VIPR2: variants seen among roughly 807,000 people sequenced by gnomAD.
VIPR2 encodes the protein vasoactive intestinal peptide receptor 2, also known as vasoactive intestinal polypeptide receptor 2.
A neutral mutation model predicts 58.0 loss-of-function variants in VIPR2; 48 were observed. The ratio of observed to expected loss-of-function variants is 0.83; its 90% CI spans 0.66 to 1.05. The LOEUF is 1.05. VIPR2 is among the 50% of genes least tolerant of loss of function. The probability of loss-of-function intolerance (pLI) is 0.00; values close to 1 mark genes in which losing one functional copy is unlikely to be tolerated. For missense variants in VIPR2, 534 were observed against 558.0 expected, an observed-to-expected ratio of 0.96 and a Z score of 0.43; for synonymous variants, 243 against 235.2, an observed-to-expected ratio of 1.03 and a Z score of -0.30.
At chr7:159,075,142 A>C (rs1856573559) in intron 4 of VIPR2, among the ~76,000 whole-genome samples, 1 of 152,216 alleles carries the variant, frequency 6.6e-6, no homozygotes, top group South Asian at 2.1e-4. Flanking sequence ...GGATCCTCCC[A>C]TTACCACTGT....
At chr7:159,118,536 G>A (rs1289778673) in intron 2 of VIPR2, among the ~76,000 whole-genome samples, 1 of 152,186 alleles carries the variant, frequency 6.6e-6, no homozygotes, top group East Asian at 1.9e-4. Context: ...AGGTTCAGTG[G>A]GTGTTTACGG....
chr7:159,049,486 T>C (rs1585362385), intron 5 of VIPR2, among the ~76,000 whole-genome samples: 1 of 152,046 alleles, frequency 6.6e-6, no homozygotes, highest in East Asian at 1.9e-4. Flanking sequence ...ACAGAGGGTG[T>C]TCAGAAAGGA....
At chr7:159,039,415 T>G (rs1212947832) in intron 6 of VIPR2, among the ~76,000 whole-genome samples, 1 of 151,848 alleles carries the variant, frequency 6.6e-6, no homozygotes, top group Non-Finnish European at 1.5e-5. Flanking sequence ...GAGGTGGAGG[T>G]TGCAGTGAGC....
rs116329878 is a variant in VIPR2 at position 159,037,322 on chromosome 7, C to T, written c.598-420G>A. Reference sequence around the variant, plus strand: ...CCGGCCAGCAAAGAACCAGAAGAGCCGGCAGGAGGTCATGTGTGGGGCGAG... The same window carrying T: ...CCGGCCAGCAAAGAACCAGAAGAGCTGGCAGGAGGTCATGTGTGGGGCGAG... On this transcript the variant is annotated intron_variant, in intron 6 of 12. Transcript: ENST00000262178. 8.9e-3 allele frequency among the ~76,000 whole-genome samples: 1,360 copies of T among 152,198 alleles called. 25 individuals carry two copies. Among genetic ancestry groups the T allele is most frequent in the African/African-American group, 0.031 (1,299 of 41,526 alleles).
chr7:159,034,489 GGTCA>G, intron 9 of VIPR2, 88 bp downstream of exon 9: 1 of 1,391,496 alleles, frequency 7.2e-7, no homozygotes, highest in East Asian at 2.3e-5. Flanking sequence ...CGTGGAATGG[GGTCA>G]GTTCTATTTA....
chr7:159,125,517 G>A (rs1324761567), intron 2 of VIPR2, among the ~76,000 whole-genome samples: 5 of 152,164 alleles, frequency 3.3e-5, no homozygotes, highest in African/African-American at 1.2e-4. Context: ...CAGAGTCTGG[G>A]AAGTCAGCAC....
intron 4 of VIPR2, among the ~76,000 whole-genome samples, chr7:159,082,096 C>T (rs1856934250): frequency 6.6e-6 from 1 of 152,264 alleles, no homozygotes; most frequent in Middle Eastern, 3.4e-3. Context: ...ACCATTTGAC[C>T]CAGCCATCCC....
chr7:159,139,434 T>C (rs1797369521), intron 2 of VIPR2, among the ~76,000 whole-genome samples: 1 of 152,166 alleles, frequency 6.6e-6, no homozygotes, highest in Admixed American at 6.5e-5. Context: ...GAACAGCAAG[T>C]CTCTTGTCTC....
rs183088759 is a variant in VIPR2 at position 159,029,000 on chromosome 7, T to A, written c.*1616A>T. ...GGACCTTTGGGGATTGAGGGGTCTC[T>A]GGACACTGCTGCTTTGCTGTCCTAA... On this transcript the variant is annotated 3_prime_UTR_variant, in exon 13 of 13. Coordinates refer to ENST00000262178, the MANE Select transcript of VIPR2 (RefSeq NM_003382.5). 2 of 152,378 alleles carry A rather than the reference T, an allele frequency of 1.3e-5. No homozygotes were observed. The highest frequency in any genetic ancestry group is 2.9e-5 in the Non-Finnish European group (2 of 68,160). The allele number at this position is 152,378 out of a possible 1,614,324, so 9.4% of individuals were successfully genotyped here.
Position 159,031,122 on chromosome 7 carries a change from T to C in VIPR2, c.1144-333A>G, listed in dbSNP as rs116978070. ...TCCTTAGCAGCCGGGGTTGTGACGG[T>C]GCTGGGCCTCCGTCTCCTTCCCTGT... On this transcript the variant is annotated intron_variant, in intron 12 of 12. Coordinates refer to ENST00000262178, the MANE Select transcript of VIPR2 (RefSeq NM_003382.5). This position sits in a 1 kb window ranked among gnomAD's most constrained non-coding sequence, Gnocchi z 4.0. 0.013 allele frequency among the ~76,000 whole-genome samples: 2,004 copies of C among 152,168 alleles called. 25 individuals are homozygous for C. Among genetic ancestry groups the C allele is most frequent in the Non-Finnish European group, 0.022 (1,524 of 67,990 alleles).
intron 4 of VIPR2, among the ~76,000 whole-genome samples, chr7:159,062,365 T>A (rs73730124): frequency 1.3e-5 from 2 of 151,938 alleles, no homozygotes; most frequent in African/African-American, 4.8e-5. Flanking sequence ...TCACAGTGAG[T>A]GTTACAGTTC....
At chr7:159,100,900 T>TC (rs1858171954) in intron 4 of VIPR2, among the ~76,000 whole-genome samples, 1 of 146,802 alleles carries the variant, frequency 6.8e-6, no homozygotes, top group South Asian at 2.2e-4. Context: ...ACAAGGCCGT[T>TC]CCCCCGACTG....
Position 159,030,686 on chromosome 7 carries a change from TC to T in VIPR2, c.1246del (p.Glu416ArgfsTer44). The T allele has an allele frequency of 6.4e-7, 1 of 1,573,852 alleles. No homozygotes were observed. On this transcript the variant is annotated frameshift_variant, in exon 13 of 13. Transcript: ENST00000262178. LOFTEE classifies it high-confidence loss of function. Reference sequence around the variant, plus strand: ...GCCGCGGTGGAACTGCAGGGCGCCCTCCGAGCCGTTGCGGGAGAAGGAGGAA... The same window carrying T: ...GCCGCGGTGGAACTGCAGGGCGCCCTCGAGCCGTTGCGGGAGAAGGAGGAA... The part of the protein sequence containing the change: ...CGSSFSRNGS[E>X]GALQFHRGSR...
chr7:159,110,257 C>A (rs996282192), intron 2 of VIPR2, among the ~76,000 whole-genome samples: 1 of 152,170 alleles, frequency 6.6e-6, no homozygotes, highest in African/African-American at 2.4e-5. Flanking sequence ...GAGGGAGACG[C>A]CCAGGGAAAG....
intron 2 of VIPR2, among the ~76,000 whole-genome samples, chr7:159,133,106 TAA>T (rs1797045732): frequency 6.6e-6 from 1 of 152,292 alleles, no homozygotes; most frequent in Admixed American, 6.5e-5. Flanking sequence ...GCCTTTTCCA[TAA>T]GAAGATTCTG....
intron 2 of VIPR2, among the ~76,000 whole-genome samples, chr7:159,135,004 G>GTTTTGTTTT (rs1797145572): frequency 1.5e-5 from 1 of 65,992 alleles, no homozygotes; most frequent in African/African-American, 6.5e-5. Context: ...AATTACAAAA[G>GTTTTGTTTT]TTTTTTTTTT....
rs1303848252 is a variant in VIPR2 at position 159,127,365 on chromosome 7, G to A, written c.151+15081C>T. ...AGGCGGGGGCCACATTCTGGTACCT[G>A]AACAAACATTAAACCCACAACTCCA... On this transcript the variant is annotated intron_variant, in intron 2 of 12. Transcript: ENST00000262178. This position sits in a 1 kb window ranked among gnomAD's most constrained non-coding sequence, Gnocchi z 4.6. Among the ~76,000 whole-genome samples the A allele has an allele frequency of 6.6e-6, 1 of 152,162 alleles. No individual in the cohort carries two copies. Among genetic ancestry groups the A allele is most frequent in the Non-Finnish European group, 1.5e-5 (1 of 68,026 alleles).
At chr7:159,045,588 A>G (rs1854596322) in intron 5 of VIPR2, among the ~76,000 whole-genome samples, 1 of 152,198 alleles carries the variant, frequency 6.6e-6, no homozygotes, top group African/African-American at 2.4e-5. Flanking sequence ...GAATGAATCA[A>G]TGACCTAGAC....
At chr7:159,045,374 C>T (rs1326066125) in intron 5 of VIPR2, among the ~76,000 whole-genome samples, 1 of 152,166 alleles carries the variant, frequency 6.6e-6, no homozygotes, top group Non-Finnish European at 1.5e-5. Context: ...AATAGTGTGG[C>T]ACTGCATATA....
Sources: allele counts gnomAD v4.1 joint callset (sites outside exome capture counted in the v4.1 genomes callset), GRCh38; gene constraint gnomAD v4.1.1; non-coding constraint Gnocchi (gnomAD v3.1); transcripts MANE v1.5; gene names NCBI Gene and HGNC (gene_info 2026-07-23, HGNC 2026-07-21).